CPQ: variants seen among roughly 807,000 people sequenced by gnomAD.
The protein encoded by CPQ is Ser-Met dipeptidase.
In CPQ, 37 loss-of-function variants were observed where a neutral mutation model predicts 45.7. That is an observed-to-expected ratio of 0.81 (90% CI 0.62 to 1.07). CPQ has a LOEUF of 1.07. Among genes scored for constraint, CPQ ranks in the 50% least tolerant of loss-of-function variants. The probability of loss-of-function intolerance (pLI) is 0.00; values close to 1 mark genes in which losing one functional copy is unlikely to be tolerated. For synonymous variants in CPQ, 186 were observed against 205.8 expected (o/e 0.90, Z 0.82); for missense variants, 537 against 572.9 (o/e 0.94, Z 0.64).
rs547402972 is a variant in CPQ, at chr8:96,803,504, A to G, written c.433+18174A>G. 3.3e-3 allele frequency among the ~76,000 whole-genome samples: 507 copies of G among 152,322 alleles called. 7 individuals are homozygous for G. Among genetic ancestry groups the G allele is most frequent in the African/African-American group, 0.011 (475 of 41,572 alleles). Reference sequence around the variant, plus strand: ...AAGATTATAAAGCTTTCAAGTTTGGATTGGTGAGAAAACCATAATGGTATT... The same window carrying G: ...AAGATTATAAAGCTTTCAAGTTTGGGTTGGTGAGAAAACCATAATGGTATT... On this transcript the variant is annotated intron_variant, in intron 2 of 7. Coordinates refer to ENST00000220763, the MANE Select transcript of CPQ (RefSeq NM_016134.4).
intron 7 of CPQ, among the ~76,000 whole-genome samples, chr8:97,093,552 A>C (rs917312764): frequency 2.6e-5 from 4 of 152,174 alleles, no homozygotes; most frequent in Non-Finnish European, 5.9e-5. Flanking sequence ...AACCAAAAAT[A>C]AAAGTTGGAT....
At chr8:96,660,960 A>G (rs1485399968) in intron 1 of CPQ, among the ~76,000 whole-genome samples, 1 of 152,180 alleles carries the variant, frequency 6.6e-6, no homozygotes, top group East Asian at 1.9e-4. Flanking sequence ...TTTATATGAT[A>G]GTCATTTGCC....
At chr8:96,900,018 AAT>A (rs567657487) in intron 4 of CPQ, among the ~76,000 whole-genome samples, 63 of 152,258 alleles carry the variant, frequency 4.1e-4, no homozygotes, top group African/African-American at 1.5e-3. Context: ...CTCTTCTTCA[AAT>A]TCCTGGTACC....
At chr8:96,871,898 T>C (rs141953868) in intron 3 of CPQ, among the ~76,000 whole-genome samples, 23 of 152,058 alleles carry the variant, frequency 1.5e-4, no homozygotes, top group African/African-American at 4.8e-4. Flanking sequence ...AGAGAACATC[T>C]TAGTACAAAT....
intron 6 of CPQ, among the ~76,000 whole-genome samples, chr8:97,063,508 C>A (rs1485059486): frequency 6.6e-6 from 1 of 152,094 alleles, no homozygotes; most frequent in Non-Finnish European, 1.5e-5. Flanking sequence ...GCTTTTGTTG[C>A]GATTGCTTTT....
chr8:97,085,385 A>T (rs1161858453), intron 7 of CPQ, among the ~76,000 whole-genome samples: 3 of 143,866 alleles, frequency 2.1e-5, no homozygotes, highest in African/African-American at 5.0e-5. Flanking sequence ...CCCTGGCTCT[A>T]AAAAAAAAAA....
intron 4 of CPQ, among the ~76,000 whole-genome samples, chr8:96,936,276 G>A (rs1813048676): frequency 6.6e-6 from 1 of 152,126 alleles, no homozygotes; most frequent in Non-Finnish European, 1.5e-5. Flanking sequence ...TGGACTGAAT[G>A]GAATGGAAGT....
chr8:96,668,374 A>C (rs918002653), intron 1 of CPQ, among the ~76,000 whole-genome samples: 1 of 152,222 alleles, frequency 6.6e-6, no homozygotes, highest in Non-Finnish European at 1.5e-5. Context: ...GCTTTATTAC[A>C]TGACCAAGGA....
At chr8:96,645,927 A>G (rs1292948495) in intron 1 of CPQ, among the ~76,000 whole-genome samples, 1 of 151,248 alleles carries the variant, frequency 6.6e-6, no homozygotes, top group African/African-American at 2.4e-5. Context: ...GCAAAGTCCC[A>G]TCTGACTTAG....
At chr8:97,114,026 T>A (rs140587711) in intron 7 of CPQ, among the ~76,000 whole-genome samples, 294 of 152,258 alleles carry the variant, frequency 1.9e-3, no homozygotes, top group Non-Finnish European at 3.0e-3. Flanking sequence ...GGATTTCAGA[T>A]GAGATTTCCC....
At chr8:96,915,423 T>G (rs1268829345) in intron 4 of CPQ, among the ~76,000 whole-genome samples, 1 of 152,120 alleles carries the variant, frequency 6.6e-6, no homozygotes, top group African/African-American at 2.4e-5. Flanking sequence ...TTTGTACATA[T>G]TCTAAAAAAA....
intron 4 of CPQ, among the ~76,000 whole-genome samples, chr8:96,887,416 A>ATC (rs575192119): frequency 9.2e-5 from 14 of 152,148 alleles, no homozygotes; most frequent in Non-Finnish European, 1.9e-4. Context: ...TCTTGTGGGC[A>ATC]TCTCTGTGTA....
intron 6 of CPQ, among the ~76,000 whole-genome samples, chr8:97,029,830 C>T (rs1358512930): frequency 1.3e-5 from 2 of 152,138 alleles, no homozygotes; most frequent in East Asian, 1.9e-4. Flanking sequence ...CTCTCCCCAC[C>T]GAGCCTATCC....
At chr8:96,948,561 A>G (rs1000973171) in intron 4 of CPQ, among the ~76,000 whole-genome samples, 2 of 152,106 alleles carry the variant, frequency 1.3e-5, no homozygotes, top group African/African-American at 4.8e-5. Context: ...GTAACCTAGC[A>G]TGTTACCTAC....
intron 3 of CPQ, among the ~76,000 whole-genome samples, chr8:96,857,952 T>C (rs1390335818): frequency 1.3e-5 from 2 of 152,208 alleles, no homozygotes; most frequent in Non-Finnish European, 2.9e-5. Flanking sequence ...GTCTGATTGT[T>C]TTCTTGCTGA....
chr8:96,787,547 T>TTTTTTTTTTTG (rs1810787158), intron 2 of CPQ, among the ~76,000 whole-genome samples: 1 of 121,256 alleles, frequency 8.2e-6, no homozygotes. Context: ...TTTTTTTTTT[T>TTTTTTTTTTTG]TTTTTTTTGT....
intron 6 of CPQ, among the ~76,000 whole-genome samples, chr8:97,044,533 G>T (rs1196346700): frequency 6.6e-6 from 1 of 152,222 alleles, no homozygotes; most frequent in African/African-American, 2.4e-5. Flanking sequence ...GTGAGGAACT[G>T]CCTTCCTTTG....
chr8:96,919,830 C>T (rs1812783932), intron 4 of CPQ, among the ~76,000 whole-genome samples: 1 of 152,088 alleles, frequency 6.6e-6, no homozygotes, highest in South Asian at 2.1e-4. Flanking sequence ...TGAAATTTAA[C>T]TTAGAAGTCC....
intron 1 of CPQ, among the ~76,000 whole-genome samples, chr8:96,771,356 T>TTAGGTCTA (rs1258955266): frequency 6.6e-6 from 1 of 151,824 alleles, no homozygotes; most frequent in Non-Finnish European, 1.5e-5. Flanking sequence ...TAGACTTTAT[T>TTAGGTCTA]TAGGTTTCAG....
Sources: gnomAD v4.1 joint callset for allele counts (sites outside exome capture counted in the v4.1 genomes callset) on GRCh38, gnomAD v4.1.1 for gene constraint, MANE v1.5 for transcripts, NCBI Gene and HGNC (gene_info 2026-07-23, HGNC 2026-07-21) for gene names.